The following MTTP variants were observed in gnomAD, a reference collection of about 807,000 sequenced individuals.
MTTP encodes the protein microsomal triglyceride transfer protein large subunit.
In MTTP, 49 loss-of-function variants were observed where a neutral mutation model predicts 90.6. That is an observed-to-expected ratio of 0.54 (90% confidence interval 0.43 to 0.69). The LOEUF (loss-of-function observed/expected upper bound fraction) is 0.69. MTTP is among the 30% of genes least tolerant of loss of function. The pLI is 0.00. For synonymous variants in MTTP, 347 were observed against 384.2 expected (o/e 0.90, Z 1.13); for missense variants, 945 against 1,067.5 (o/e 0.89, Z 1.60).
chr4:99,622,736 G>C lies in MTTP; in HGVS notation c.2573G>C (p.Arg858Thr), dbSNP rs1195457550. Residue 858 changes from arginine to threonine, a missense_variant, in exon 18 of 18, where the codon AGA (arginine) becomes ACA (threonine). Arg to Thr is a moderately conservative substitution (Grantham distance 71). Transcript: ENST00000265517. ...GGCAGAGGTTATGTCTCTCAGAAAAGAAAAGAAAGCGTATTAGCAGGATGT... is the reference window on the plus strand; with the variant it reads ...GGCAGAGGTTATGTCTCTCAGAAAACAAAAGAAAGCGTATTAGCAGGATGT... The part of the protein sequence containing the change: ...STGRGYVSQK[R>T]KESVLAGCEF... The C allele has an allele frequency of 6.2e-7, 1 of 1,614,118 alleles. No individual in the cohort carries two copies.
At position 99,589,640 on chromosome 4, in the gene MTTP, C is replaced by G. The variant is rs772377794; in HGVS notation, c.394-3C>G. The G allele has an allele frequency of 1.3e-6, 2 of 1,551,886 alleles. No homozygotes were observed. Among genetic ancestry groups the G allele is most frequent in the South Asian group, 2.2e-5 (2 of 89,736 alleles). On this transcript the variant is annotated splice_polypyrimidine_tract_variant and splice_region_variant and intron_variant, in intron 3 of 17. Coordinates refer to ENST00000265517, the MANE Select transcript of MTTP (RefSeq NM_001386140.1). ...TTGTGTTCTGTTCCCCTCTCCCCACCAGGTCAAAGAGTTCTACTCATATCA... is the reference window on the plus strand; with the variant it reads ...TTGTGTTCTGTTCCCCTCTCCCCACGAGGTCAAAGAGTTCTACTCATATCA...
At chr4:99,609,083 T>C (rs1333148224) in intron 12 of MTTP, 106 bp downstream of exon 12, 34 of 1,157,592 alleles carry the variant, frequency 2.9e-5, no homozygotes, top group Non-Finnish European at 4.0e-5. Context: ...CAGGGTTACG[T>C]TGCATAAAAC....
intron 10 of MTTP, 113 bp downstream of exon 10, chr4:99,601,827 C>T (rs187807123): frequency 9.1e-4 from 760 of 836,008 alleles, no homozygotes; most frequent in Non-Finnish European, 1.4e-3. Flanking sequence ...ATTCTACTTA[C>T]CTTATTTGCA....
rs112760345 is a variant in MTTP, at chr4:99,607,143, CCTATAT to C, written c.1557+191_1557+196del. Reference sequence around the variant, plus strand: ...TCTAAATATCCTCACAGGGTAACGTCCTATATCTATATCCTGAAGCATAAATATTGA... The same window carrying C: ...TCTAAATATCCTCACAGGGTAACGTCCTATATCCTGAAGCATAAATATTGA... On this transcript the variant is annotated intron_variant, in intron 11 of 17. Coordinates refer to ENST00000265517, the MANE Select transcript of MTTP (RefSeq NM_001386140.1). Among the ~76,000 whole-genome samples the C allele has an allele frequency of 0.1, 15,847 of 152,170 alleles. 984 individuals carry two copies. The highest frequency in any genetic ancestry group is 0.2 in the Middle Eastern group (57 of 292).
chr4:99,600,600 C>G lies in MTTP; in HGVS notation c.1103C>G (p.Thr368Ser). ...GTGGATGCTGTCACCTCTGCTCAGA[C>G]CTCAGACTCATTAGAAGCCATTTTG... ...QLVDAVTSAQ[T>S]SDSLEAILDF... The change falls in exon 9 of 18, where the codon ACC (threonine) becomes AGC (serine). Residue 368 changes from threonine to serine, a missense_variant. Coordinates refer to ENST00000265517, the MANE Select transcript of MTTP (RefSeq NM_001386140.1). 1 of 1,613,708 alleles carries G rather than the reference C, an allele frequency of 6.2e-7. No individual in the cohort carries two copies. Among genetic ancestry groups the G allele is most frequent in the Non-Finnish European group, 8.5e-7 (1 of 1,179,742 alleles).
At chr4:99,621,365 T>C in intron 17 of MTTP, 134 bp downstream of exon 17, 3 of 1,178,606 alleles carry the variant, frequency 2.5e-6, no homozygotes, top group Non-Finnish European at 3.7e-6. Context: ...TTTCTTTAAA[T>C]GAGTAGAAGA....
At chr4:99,591,870 T>TTGTG (rs34883891) in intron 6 of MTTP, 80 bp downstream of exon 6, 4 of 1,230,778 alleles carry the variant, frequency 3.2e-6, no homozygotes, top group African/African-American at 3.1e-5. Context: ...AGATCTGTGT[T>TTGTG]TGTGTGTGTG....
intron 11 of MTTP, among the ~76,000 whole-genome samples, chr4:99,607,313 T>C (rs1435753438): frequency 1.3e-5 from 2 of 152,238 alleles, no homozygotes; most frequent in African/African-American, 4.8e-5. Context: ...AACTACATTT[T>C]TCAGGAAGCC....
chr4:99,582,171 A>G, intron 2 of MTTP, 79 bp downstream of exon 2: 1 of 1,400,418 alleles, frequency 7.1e-7, no homozygotes, highest in Non-Finnish European at 1.0e-6. Context: ...CAGCACTTGT[A>G]TTGGGTTCCC....
At chr4:99,577,898 C>T (rs945418381) in intron 1 of MTTP, among the ~76,000 whole-genome samples, 1 of 152,092 alleles carries the variant, frequency 6.6e-6, no homozygotes, top group African/African-American at 2.4e-5. Context: ...CATTTCCAGT[C>T]TTTCTCTCAA....
intron 3 of MTTP, among the ~76,000 whole-genome samples, chr4:99,585,791 G>T (rs535477482): frequency 6.6e-6 from 1 of 151,994 alleles, no homozygotes; most frequent in African/African-American, 2.4e-5. Flanking sequence ...TATGATTTGC[G>T]ATGATTTACT....
chr4:99,574,930 T>G lies in MTTP; in HGVS notation c.21T>G (p.Leu7=), dbSNP rs1331840668. Residue 7 remains leucine, a synonymous_variant, in exon 1 of 18, where the codon CTT becomes CTG. Coordinates refer to ENST00000265517, the MANE Select transcript of MTTP (RefSeq NM_001386140.1). MILLAV[L]FLCFISSYSA... Reference sequence around the variant, plus strand: ...TCAATATGATTCTTCTTGCTGTGCTTTTTCTCTGCTTCATTTCCTCATATT... The same window carrying G: ...TCAATATGATTCTTCTTGCTGTGCTGTTTCTCTGCTTCATTTCCTCATATT... 1.9e-6 allele frequency: 3 copies of G among 1,614,214 alleles called. No individual in the cohort carries two copies. Among genetic ancestry groups the G allele is most frequent in the Admixed American group, 3.3e-5 (2 of 60,026 alleles).
chr4:99,623,068 T>A lies in MTTP; in HGVS notation c.*220T>A. The A allele has an allele frequency of 1.7e-6, 1 of 581,536 alleles. No homozygotes were observed. Among genetic ancestry groups the A allele is most frequent in the South Asian group, 2.0e-5 (1 of 51,108 alleles). The allele number at this position is 581,536 out of a possible 1,614,324, so 36.0% of individuals were successfully genotyped here. On this transcript the variant is annotated 3_prime_UTR_variant, in exon 18 of 18. Transcript: ENST00000265517. ...TCATCATGTGACGCTTTCAACAACGTTCTTAGTTTACTTATACCTCTCTCA... is the reference window on the plus strand; with the variant it reads ...TCATCATGTGACGCTTTCAACAACGATCTTAGTTTACTTATACCTCTCTCA...
rs192153844 is a variant in MTTP, at chr4:99,616,818, T to C, written c.2218-2156T>C. Among the ~76,000 whole-genome samples the C allele has an allele frequency of 4.1e-3, 630 of 152,270 alleles. 7 individuals carry two copies. The highest frequency in any genetic ancestry group is 5.0e-3 in the Non-Finnish European group (338 of 68,020). ...GCACTCCTCATAACCCACCTTGCAA[T>C]GGAAATGCTCTCTCCCCACAAAAGG... On this transcript the variant is annotated intron_variant, in intron 15 of 17. Transcript: ENST00000265517.
chr4:99,585,763 G>C (rs762943874), intron 3 of MTTP, among the ~76,000 whole-genome samples: 1 of 151,770 alleles, frequency 6.6e-6, no homozygotes, highest in Non-Finnish European at 1.5e-5. Context: ...AACTGCAATG[G>C]GCCAATTCTA....
rs1165314540 is a variant in MTTP, at chr4:99,623,950, T to G, written c.*1102T>G. The G allele has an allele frequency of 6.6e-6, 1 of 152,234 alleles. No individual in the cohort carries two copies. 9.4% of individuals were successfully genotyped at this position (152,234 alleles called of 1,614,324 possible). A position where few individuals can be genotyped will look rare whatever the true frequency, so the allele number is the denominator to read the frequency against. On this transcript the variant is annotated 3_prime_UTR_variant, in exon 18 of 18. Transcript: ENST00000265517. ...ATGAAAGTTTAGCTAGCCCACTATT[T>G]GTTGTAAATTGAAAACGAAGTGTGA... is the stretch of plus-strand genomic sequence containing the variant.
chr4:99,570,956 T>C (rs1724828374), upstream of MTTP: 2 of 339,342 alleles, frequency 5.9e-6, no homozygotes, highest in East Asian at 7.3e-5. Flanking sequence ...GTTAGACTTC[T>C]GACCTCCAAG....
chr4:99,600,315 A>T (rs908536301), intron 8 of MTTP, among the ~76,000 whole-genome samples: 1 of 152,184 alleles, frequency 6.6e-6, no homozygotes, highest in Non-Finnish European at 1.5e-5. Flanking sequence ...AGGTTAATAT[A>T]GTAAAATTAG....
In MTTP at chr4:99,611,240, C is replaced by T. The variant is rs773117131; in HGVS notation, c.1867C>T (p.Arg623Cys). The change falls in exon 13 of 18, where the codon CGT (arginine) becomes TGT (cysteine). Residue 623 changes from arginine (R) to cysteine (C), a missense_variant and splice_region_variant. By Grantham distance (180) the Arg-to-Cys change is radical (BLOSUM62 -3). Transcript: ENST00000265517. ...SSSAYTGYIE[R>C]SPRSASTYSL... ...TTCTGCCTACACTGGCTACATAGAACGTATGTACACCAAAAAGAGGTTCTC... is the reference window on the plus strand; with the variant it reads ...TTCTGCCTACACTGGCTACATAGAATGTATGTACACCAAAAAGAGGTTCTC... 2.4e-5 allele frequency: 38 copies of T among 1,613,026 alleles called. No individual in the cohort carries two copies. The East Asian group carries it at 4.0e-4, about 17-fold the overall frequency.
Sources: gnomAD v4.1 joint callset for allele counts (sites outside exome capture counted in the v4.1 genomes callset) on GRCh38, gnomAD v4.1.1 for gene constraint, MANE v1.5 for transcripts, NCBI Gene and HGNC (gene_info 2026-07-23, HGNC 2026-07-21) for gene names.